Variants in MGAT3 observed in about 807,000 individuals in gnomAD.
MGAT3 encodes the protein beta-1,4-mannosyl-glycoprotein 4-beta-N-acetylglucosaminyltransferase.
In MGAT3, 9 loss-of-function variants were observed where a neutral mutation model predicts 29.8. That is an observed-to-expected ratio of 0.30 (90% CI 0.18 to 0.53). The LOEUF is 0.53. Ranked by LOEUF, MGAT3 falls within the 20% of genes least tolerant of loss-of-function variation. The pLI is 0.96. For synonymous variants in MGAT3, 397 were observed against 348.9 expected (o/e 1.14, Z -1.54); for missense variants, 557 against 769.5 (o/e 0.72, Z 3.27).
rs1256576589 is a variant in MGAT3, at chr22:39,491,184, T to TGG, written c.*2238_*2239dup. On this transcript the variant is annotated 3_prime_UTR_variant, in exon 2 of 2. Coordinates refer to ENST00000341184, the MANE Select transcript of MGAT3 (RefSeq NM_002409.5). The surrounding 1 kb of genome is among the most constrained non-coding windows in gnomAD (Gnocchi z 5.5). ...TTAAGTGCCCAGTGAGGGCATGGTGTGGGGAGCTGGCCTCAGAGGAGCCGC... is the reference window on the plus strand; with the variant it reads ...TTAAGTGCCCAGTGAGGGCATGGTGTGGGGGGAGCTGGCCTCAGAGGAGCCGC... 1.2e-5 allele frequency: 2 copies of TGG among 167,414 alleles called. No individual in the cohort carries two copies. Among genetic ancestry groups the TGG allele is most frequent in the Middle Eastern group, 3.1e-3 (1 of 324 alleles). 10.4% of individuals were successfully genotyped at this position (167,414 alleles called of 1,614,324 possible). A position where few individuals can be genotyped will look rare whatever the true frequency, so the allele number is the denominator to read the frequency against.
chr22:39,489,268 A>G lies in MGAT3; in HGVS notation c.*319A>G, dbSNP rs886653466. 5.9e-5 allele frequency: 23 copies of G among 389,984 alleles called. No individual in the cohort carries two copies. The highest frequency in any genetic ancestry group is 7.1e-4 in the Middle Eastern group (1 of 1,404). The allele number at this position is 389,984 out of a possible 1,614,324, so 24.2% of individuals were successfully genotyped here. A position where few individuals can be genotyped will look rare whatever the true frequency, so the allele number is the denominator to read the frequency against. Reference sequence around the variant, plus strand: ...TGGGTAGCGGGGGAGGGTAGGCAGGATTGGGGAAGAGAGCCTGCAGGATCT... The same window carrying G: ...TGGGTAGCGGGGGAGGGTAGGCAGGGTTGGGGAAGAGAGCCTGCAGGATCT... On this transcript the variant is annotated 3_prime_UTR_variant, in exon 2 of 2. Coordinates refer to ENST00000341184, the MANE Select transcript of MGAT3 (RefSeq NM_002409.5).
intron 1 of MGAT3, among the ~76,000 whole-genome samples, chr22:39,478,843 G>A (rs944978339): frequency 8.5e-5 from 13 of 152,212 alleles, no homozygotes; most frequent in Admixed American, 4.6e-4. Context: ...CTCACAGCCC[G>A]TCAGGCTTCC....
At chr22:39,480,820 A>G (rs1929101912) in intron 1 of MGAT3, among the ~76,000 whole-genome samples, 1 of 152,224 alleles carries the variant, frequency 6.6e-6, no homozygotes, top group Non-Finnish European at 1.5e-5. Flanking sequence ...CCATTCTTCC[A>G]GTGCCTGGGG....
chr22:39,477,979 A>G (rs915190864), intron 1 of MGAT3, among the ~76,000 whole-genome samples: 4 of 152,224 alleles, frequency 2.6e-5, no homozygotes, highest in Non-Finnish European at 4.4e-5. Context: ...CAGTGTTCGG[A>G]TCTGGCCATT....
intron 1 of MGAT3, among the ~76,000 whole-genome samples, chr22:39,464,344 G>A (rs763493017): frequency 3.0e-4 from 46 of 152,264 alleles, no homozygotes; most frequent in Non-Finnish European, 3.1e-4. Flanking sequence ...GAGAGCTGCA[G>A]GTGACTGGGG....
chr22:39,487,324 T>G lies in MGAT3; in HGVS notation c.-1-23T>G. 1 of 1,600,204 alleles carries G rather than the reference T, an allele frequency of 6.2e-7. No homozygotes were observed. The highest frequency in any genetic ancestry group is 1.1e-5 in the South Asian group (1 of 90,174). On this transcript the variant is annotated intron_variant, in intron 1 of 1. Transcript: ENST00000341184. The surrounding 1 kb of genome is among the most constrained non-coding windows in gnomAD (Gnocchi z 5.7). Reference sequence around the variant, plus strand: ...GGAGCCTGGGCTGCCCTGATGAGTCTCCTGTCTCTCTCTCTCCCGCAGGAT... The same window carrying G: ...GGAGCCTGGGCTGCCCTGATGAGTCGCCTGTCTCTCTCTCTCCCGCAGGAT...
chr22:39,489,576 C>T lies in MGAT3; in HGVS notation c.*627C>T. ...CCCTGCCGCAAAGGACAGGACCTGG[C>T]TGCCCTGGGATGCTGGTGCCTGAGT... On this transcript the variant is annotated 3_prime_UTR_variant, in exon 2 of 2. Transcript: ENST00000341184. 1 of 168,578 alleles carries T rather than the reference C, an allele frequency of 5.9e-6. No homozygotes were observed. Among genetic ancestry groups the T allele is most frequent in the Non-Finnish European group, 1.4e-5 (1 of 69,192 alleles). 10.4% of individuals were successfully genotyped at this position (168,578 alleles called of 1,614,324 possible). A position where few individuals can be genotyped will look rare whatever the true frequency, so the allele number is the denominator to read the frequency against.
In MGAT3 at chr22:39,487,968, C is replaced by T. The variant is rs747514624; in HGVS notation, c.621C>T (p.Arg207=). 3.7e-6 allele frequency: 6 copies of T among 1,612,184 alleles called. No individual in the cohort carries two copies. Among genetic ancestry groups the T allele is most frequent in the South Asian group, 2.2e-5 (2 of 91,050 alleles). ...ERLVPREVPR[R]VINAINVNHE... is the part of the protein sequence containing the mutation. ...TGGTGCCCAGGGAGGTGCCGCGCCG[C>T]GTCATCAACGCCATCAACGTCAACC... Residue 207 remains arginine (R), a synonymous_variant, in exon 2 of 2, where the codon CGC becomes CGT. Coordinates refer to ENST00000341184, the MANE Select transcript of MGAT3 (RefSeq NM_002409.5). The surrounding 1 kb of genome is among the most constrained non-coding windows in gnomAD (Gnocchi z 5.7).
At chr22:39,469,486 G>C (rs1928747713) in intron 1 of MGAT3, among the ~76,000 whole-genome samples, 1 of 152,142 alleles carries the variant, frequency 6.6e-6, no homozygotes, top group Non-Finnish European at 1.5e-5. Context: ...GCATGCAAGT[G>C]TGCCCACCAC....
intron 1 of MGAT3, among the ~76,000 whole-genome samples, chr22:39,483,569 C>G (rs1292622251): frequency 6.6e-6 from 1 of 152,124 alleles, no homozygotes; most frequent in East Asian, 1.9e-4. Context: ...GTCCTGAAAC[C>G]CCAAGAGTAG....
intron 1 of MGAT3, among the ~76,000 whole-genome samples, chr22:39,477,985 C>T (rs568933044): frequency 2.0e-5 from 3 of 152,332 alleles, no homozygotes; most frequent in Admixed American, 2.0e-4. Flanking sequence ...TCGGATCTGG[C>T]CATTGTGGCC....
At chr22:39,468,676 G>C (rs1186104705) in intron 1 of MGAT3, among the ~76,000 whole-genome samples, 3 of 150,188 alleles carry the variant, frequency 2.0e-5, no homozygotes, top group Non-Finnish European at 2.9e-5. Context: ...GGAAGGTGCG[G>C]GTGTGTGGAT....
intron 1 of MGAT3, among the ~76,000 whole-genome samples, chr22:39,461,466 C>T (rs933335614): frequency 3.3e-5 from 5 of 152,192 alleles, no homozygotes; most frequent in African/African-American, 1.2e-4. Flanking sequence ...CTAACCCCTC[C>T]TTCGAGGGGC....
At position 39,488,018 on chromosome 22, in the gene MGAT3, G is replaced by A; in HGVS notation, c.671G>A (p.Arg224His). 2 of 1,613,150 alleles carry A rather than the reference G, an allele frequency of 1.2e-6. No homozygotes were observed. Among genetic ancestry groups the A allele is most frequent in the Non-Finnish European group, 1.7e-6 (2 of 1,179,824 alleles). ...CACGAGTTCGACCTGCTGGACGTGC[G>A]CTTCCACGAGCTGGGCGACGTGGTG... ...VNHEFDLLDVRFHELGDVVDA... is the reference protein window; with the variant it reads ...VNHEFDLLDVHFHELGDVVDA... Residue 224 changes from arginine (R) to histidine (H), a missense_variant, in exon 2 of 2, where the codon CGC becomes CAC. Arg to His is a conservative substitution (Grantham distance 29). Around this residue, in one of 3 missense-constraint regions of MGAT3, gnomAD observed 243 missense variants for 444.0 expected, o/e 0.55. Coordinates refer to ENST00000341184, the MANE Select transcript of MGAT3 (RefSeq NM_002409.5).
At chr22:39,470,050 G>A (rs145692065) in intron 1 of MGAT3, among the ~76,000 whole-genome samples, 1 of 152,248 alleles carries the variant, frequency 6.6e-6, no homozygotes, top group Non-Finnish European at 1.5e-5. Flanking sequence ...TCCAGCAGCT[G>A]TCCCTGCAGT....
At position 39,488,980 on chromosome 22, in the gene MGAT3, G is replaced by T; in HGVS notation, c.*31G>T. ...CATGATCTGATAGGGTTTGTGACAG[G>T]GCGGGGGTGGCGGCGGCCCCTAGCG... On this transcript the variant is annotated 3_prime_UTR_variant, in exon 2 of 2. Coordinates refer to ENST00000341184, the MANE Select transcript of MGAT3 (RefSeq NM_002409.5). 1 of 1,569,356 alleles carries T rather than the reference G, an allele frequency of 6.4e-7. No homozygotes were observed. The highest frequency in any genetic ancestry group is 8.6e-7 in the Non-Finnish European group (1 of 1,159,602).
Position 39,488,859 on chromosome 22 carries a change from G to A in MGAT3, c.1512G>A (p.Glu504=). The part of the protein sequence containing the change: ...FHYLLDNPYQ[E]PRSTAAGGWR... ...ACCTGCTGGACAACCCCTACCAGGA[G>A]CCCAGGAGCACGGCGGCGGGCGGGT... is the stretch of plus-strand genomic sequence containing the variant. The change falls in exon 2 of 2, where the codon GAG becomes GAA. Residue 504 remains glutamate (E), a synonymous_variant. Coordinates refer to ENST00000341184, the MANE Select transcript of MGAT3 (RefSeq NM_002409.5). The A allele has an allele frequency of 1.2e-6, 2 of 1,607,190 alleles. No homozygotes were observed. The highest frequency in any genetic ancestry group is 1.1e-5 in the South Asian group (1 of 90,078).
At chr22:39,458,716 G>A (rs1601715360) in intron 1 of MGAT3, among the ~76,000 whole-genome samples, 1 of 152,346 alleles carries the variant, frequency 6.6e-6, no homozygotes, top group South Asian at 2.1e-4. Context: ...AGATCTCTGG[G>A]TAGAGAAAGG....
rs117647351 is a variant in MGAT3 at position 39,488,937 on chromosome 22, G to A, written c.1590G>A (p.Glu530=). Residue 530 remains glutamate, a synonymous_variant, in exon 2 of 2, where the codon GAG becomes GAA. Coordinates refer to ENST00000341184, the MANE Select transcript of MGAT3 (RefSeq NM_002409.5). ...GRPPARGKLD[E]AEV ...CGCCCGCCCGGGGCAAACTGGACGA[G>A]GCGGAAGTCTAGAGCTGCATGATCT... 47,576 of 1,605,364 alleles carry A rather than the reference G, an allele frequency of 0.03. 803 individuals carry two copies. The highest frequency in any genetic ancestry group is 0.033 in the Non-Finnish European group (38,799 of 1,176,486).
Sources: gnomAD v4.1 joint callset for allele counts (sites outside exome capture counted in the v4.1 genomes callset) on GRCh38, gnomAD v4.1.1 for gene constraint, gnomAD v4.1.1 regional missense constraint, Gnocchi (gnomAD v3.1) non-coding constraint, MANE v1.5 for transcripts, NCBI Gene and HGNC (gene_info 2026-07-23, HGNC 2026-07-21) for gene names.